The following SYT6 variants were observed in gnomAD, a reference collection of about 807,000 sequenced individuals.
The protein encoded by SYT6 is synaptotagmin 6, also known as synaptotagmin-6.
SYT6 carries 24 observed loss-of-function variants against 38.4 expected under a neutral mutation model. The ratio of observed to expected loss-of-function variants is 0.62; its 90% confidence interval spans 0.45 to 0.88. The LOEUF (loss-of-function observed/expected upper bound fraction) is 0.88. Among genes scored for constraint, SYT6 ranks in the 40% least tolerant of loss-of-function variants. SYT6 has a pLI of 0.00. For synonymous variants in SYT6, 265 were observed against 241.9 expected (o/e 1.10, Z -0.89); for missense variants, 611 against 621.0 (o/e 0.98, Z 0.17).
chr1:114,136,558 A>G (rs1354899437), intron 3 of SYT6, among the ~76,000 whole-genome samples: 1 of 152,204 alleles, frequency 6.6e-6, no homozygotes, highest in Non-Finnish European at 1.5e-5. Context: ...GAAGGGCTCC[A>G]GATGTGTCCT....
chr1:114,095,604 G>A (rs1338235038), intron 6 of SYT6, among the ~76,000 whole-genome samples: 2 of 152,154 alleles, frequency 1.3e-5, no homozygotes, highest in Admixed American at 1.3e-4. Flanking sequence ...AGATGGGAAG[G>A]GCTTATCCCC....
intron 3 of SYT6, among the ~76,000 whole-genome samples, chr1:114,133,602 G>A (rs895090936): frequency 5.9e-5 from 9 of 152,226 alleles, no homozygotes; most frequent in African/African-American, 2.2e-4. Context: ...CCAGGCAGAA[G>A]GAGAGATGGG....
Position 114,099,069 on chromosome 1 carries a change from A to G in SYT6, c.1364+25T>C, listed in dbSNP as rs774694146. 1.5e-5 allele frequency: 24 copies of G among 1,592,554 alleles called. No homozygotes were observed. In the East Asian group the frequency reaches 4.7e-4, roughly 31 times the overall value. Reference sequence around the variant, plus strand: ...TGGAGTGGGAGTGAGGGGTAGAATTACGTCCCTCTAGGACGCCTACCTACC... The same window carrying G: ...TGGAGTGGGAGTGAGGGGTAGAATTGCGTCCCTCTAGGACGCCTACCTACC... On this transcript the variant is annotated intron_variant, in intron 5 of 7. Transcript: ENST00000610222.
intron 3 of SYT6, among the ~76,000 whole-genome samples, chr1:114,107,598 A>G (rs1676404821): frequency 6.6e-6 from 1 of 152,250 alleles, no homozygotes; most frequent in Non-Finnish European, 1.5e-5. Flanking sequence ...TCCCCTGCAC[A>G]CACAAGCAGC....
rs780597166 is a variant in SYT6, at chr1:114,099,144, C to A, written c.1314G>T (p.Pro438=). ...GCAGGCTGACTTGATCCATGTTTTC[C>A]GGGGGAATGTCAAAGATGATGGCCT... The part of the protein sequence containing the change: ...YNEAIIFDIP[P]ENMDQVSLLI... The change falls in exon 5 of 8, where the codon CCG becomes CCT. Residue 438 remains proline (P), a synonymous_variant. Transcript: ENST00000610222. The A allele has an allele frequency of 6.2e-7, 1 of 1,613,916 alleles. No individual in the cohort carries two copies. The highest frequency in any genetic ancestry group is 8.5e-7 in the Non-Finnish European group (1 of 1,179,920).
At chr1:114,127,701 C>T (rs962484547) in intron 3 of SYT6, among the ~76,000 whole-genome samples, 2 of 152,240 alleles carry the variant, frequency 1.3e-5, no homozygotes, top group Non-Finnish European at 2.9e-5. Context: ...AAGCTCTTCA[C>T]CTCCTCCCCT....
intron 4 of SYT6, among the ~76,000 whole-genome samples, chr1:114,100,062 G>A (rs1675868724): frequency 6.6e-6 from 1 of 152,098 alleles, no homozygotes; most frequent in African/African-American, 2.4e-5. Flanking sequence ...GAACTTCCAT[G>A]TGCCTCCCAT....
At chr1:114,149,969 C>T (rs1679361966) in intron 1 of SYT6, among the ~76,000 whole-genome samples, 1 of 152,132 alleles carries the variant, frequency 6.6e-6, no homozygotes, top group South Asian at 2.1e-4. Context: ...CTAAGTGTGA[C>T]TCAGTCCTTA....
At chr1:114,128,425 C>G (rs1226026727) in intron 3 of SYT6, among the ~76,000 whole-genome samples, 1 of 152,178 alleles carries the variant, frequency 6.6e-6, no homozygotes, top group Non-Finnish European at 1.5e-5. Context: ...CCAACTTTTC[C>G]CTAAGCTATG....
chr1:114,126,159 C>T (rs1298578636), intron 3 of SYT6, among the ~76,000 whole-genome samples: 1 of 152,084 alleles, frequency 6.6e-6, no homozygotes, highest in Non-Finnish European at 1.5e-5. Context: ...TGCATTGACT[C>T]CCAACCACCC....
chr1:114,110,514 G>A (rs535032274), intron 3 of SYT6, among the ~76,000 whole-genome samples: 34 of 152,228 alleles, frequency 2.2e-4, no homozygotes, highest in Admixed American at 9.8e-4. Context: ...TGGGGGAAGC[G>A]GATGGTGGCT....
rs576810487 is a variant in SYT6 at position 114,103,465 on chromosome 1, C to T, written c.1192+136G>A. 156 of 1,237,186 alleles carry T rather than the reference C, an allele frequency of 1.3e-4. No homozygotes were observed. In the African/African-American group the frequency reaches 2.1e-3, roughly 17 times the overall value. 76.6% of individuals were successfully genotyped at this position (1,237,186 alleles called of 1,614,324 possible). ...GCAAAGAAGTGGCAGAACTGGAATT[C>T]GAATCCAGGCAGTTTGTGTCCAGAG... On this transcript the variant is annotated intron_variant, in intron 4 of 7. Coordinates refer to ENST00000610222, the MANE Select transcript of SYT6 (RefSeq NM_001253772.2).
In SYT6 at chr1:114,103,610, C is replaced by T; in HGVS notation, c.1183G>A (p.Gly395Ser). 6.2e-7 allele frequency: 1 copy of T among 1,614,206 alleles called. No homozygotes were observed. The highest frequency in any genetic ancestry group is 1.1e-5 in the South Asian group (1 of 91,080). Residue 395 changes from glycine (G) to serine (S), a missense_variant, in exon 4 of 8, where the codon GGC (glycine) becomes AGC (serine). Gly to Ser is a moderately conservative substitution (Grantham distance 56). Coordinates refer to ENST00000610222, the MANE Select transcript of SYT6 (RefSeq NM_001253772.2). ...CRNLKAMDIT[G>S]YSDPYVKVSL... ...GGGTTAAGAGAGGTACCTGAATAGC[C>T]TGTGATGTCCATCGCCTTGAGGTTC...
Position 114,103,736 on chromosome 1 carries a change from A to G in SYT6, c.1072-15T>C, listed in dbSNP as rs1469480674. On this transcript the variant is annotated splice_polypyrimidine_tract_variant and intron_variant, in intron 3 of 7. Coordinates refer to ENST00000610222, the MANE Select transcript of SYT6 (RefSeq NM_001253772.2). Reference sequence around the variant, plus strand: ...TCCACGCTTTCCTGCAAAGAAGCACACAAGAGGGCAGATGAGGGGCTTGCA... The same window carrying G: ...TCCACGCTTTCCTGCAAAGAAGCACGCAAGAGGGCAGATGAGGGGCTTGCA... 4 of 1,611,322 alleles carry G rather than the reference A, an allele frequency of 2.5e-6. No homozygotes were observed. The African/African-American group carries it at 5.3e-5, about 22-fold the overall frequency.
At chr1:114,144,471 G>A (rs946800126) in intron 1 of SYT6, among the ~76,000 whole-genome samples, 2 of 152,046 alleles carry the variant, frequency 1.3e-5, no homozygotes, top group African/African-American at 2.4e-5. Context: ...CACCCAGGCT[G>A]GCACTCTTTC....
Position 114,103,816 on chromosome 1 carries a change from G to A in SYT6, c.1072-95C>T, listed in dbSNP as rs1241657907. ...CTGCTGGGGCGCTCTGGGGTCAGGA[G>A]GAGGCTCTTGGAGACACTGTGCTGT... On this transcript the variant is annotated intron_variant, in intron 3 of 7. Transcript: ENST00000610222. 23 of 1,452,554 alleles carry A rather than the reference G, an allele frequency of 1.6e-5. No individual in the cohort carries two copies. The African/African-American group carries it at 3.0e-4, about 19-fold the overall frequency. The allele number at this position is 1,452,554 out of a possible 1,614,324, so 90.0% of individuals were successfully genotyped here.
chr1:114,092,406 T>G (rs1037344337), intron 7 of SYT6, among the ~76,000 whole-genome samples: 15 of 151,834 alleles, frequency 9.9e-5, no homozygotes, highest in Non-Finnish European at 2.2e-4. Flanking sequence ...TCTGTGTGCT[T>G]CAGCCATTTT....
At chr1:114,126,871 C>T (rs1480629259) in intron 3 of SYT6, among the ~76,000 whole-genome samples, 1 of 152,186 alleles carries the variant, frequency 6.6e-6, no homozygotes, top group African/African-American at 2.4e-5. Flanking sequence ...CCGTACCCTA[C>T]AGGAAGCTGG....
At chr1:114,134,264 C>G (rs1022261152) in intron 3 of SYT6, among the ~76,000 whole-genome samples, 1 of 152,198 alleles carries the variant, frequency 6.6e-6, no homozygotes, top group African/African-American at 2.4e-5. Flanking sequence ...AAGCCTGGCT[C>G]TAAGCCATTT....
Sources: allele counts gnomAD v4.1 joint callset (sites outside exome capture counted in the v4.1 genomes callset), GRCh38; gene constraint gnomAD v4.1.1; transcripts MANE v1.5; gene names NCBI Gene and HGNC (gene_info 2026-07-23, HGNC 2026-07-21).